Variants in SEC22C observed in about 807,000 individuals in gnomAD.
The protein encoded by SEC22C is vesicle-trafficking protein SEC22c.
Under a neutral mutation model 34.7 loss-of-function variants are expected in SEC22C, and 29 were observed. That is an observed-to-expected ratio of 0.84 (90% CI 0.62 to 1.14). SEC22C has a LOEUF of 1.14. Among genes scored for constraint, SEC22C ranks in the 50% most tolerant of loss-of-function variants. SEC22C has a pLI of 0.00. For missense variants in SEC22C, 337 were observed against 369.0 expected, an observed-to-expected ratio of 0.91 and a Z score of 0.71; for synonymous variants, 117 against 132.8, an observed-to-expected ratio of 0.88 and a Z score of 0.82.
rs182345386 is a variant in SEC22C, at chr3:42,561,770, A to G, written c.347-474T>C. Among the ~76,000 whole-genome samples the G allele has an allele frequency of 5.5e-4, 84 of 152,368 alleles. 1 individual carries two copies. Among genetic ancestry groups the G allele is most frequent in the Non-Finnish European group, 9.4e-4 (64 of 68,036 alleles). Reference sequence around the variant, plus strand: ...AAACACAAAGGCCAAATGATTGCTAATATGAACACTGTCTGATCAATCACT... The same window carrying G: ...AAACACAAAGGCCAAATGATTGCTAGTATGAACACTGTCTGATCAATCACT... On this transcript the variant is annotated intron_variant, in intron 3 of 6. Coordinates refer to ENST00000264454, the MANE Select transcript of SEC22C (RefSeq NM_032970.4).
intron 1 of SEC22C, among the ~76,000 whole-genome samples, chr3:42,599,132 A>AT (rs1705154085): frequency 1.3e-5 from 2 of 150,322 alleles, no homozygotes; most frequent in South Asian, 2.1e-4. Context: ...CGCCCGGCTA[A>AT]TTTTTTGTAT....
At chr3:42,600,405 C>G (rs1705249877) in intron 1 of SEC22C, 1 of 152,228 alleles carries the variant, frequency 6.6e-6, no homozygotes, top group Non-Finnish European at 1.5e-5. Context: ...GCGCTCACAG[C>G]CACACCTGAC....
At chr3:42,555,228 T>A (rs942572415) in intron 6 of SEC22C, among the ~76,000 whole-genome samples, 1 of 151,608 alleles carries the variant, frequency 6.6e-6, no homozygotes, top group African/African-American at 2.4e-5. Flanking sequence ...GCACCTACAG[T>A]CCCAGCTACT....
chr3:42,573,369 A>G (rs2125718032), intron 1 of SEC22C: 1 of 152,306 alleles, frequency 6.6e-6, no homozygotes, highest in African/African-American at 2.4e-5. Context: ...TATTAAAAAT[A>G]CAAAAATTAG....
intron 4 of SEC22C, among the ~76,000 whole-genome samples, chr3:42,558,678 G>A (rs188398375): frequency 7.9e-4 from 120 of 151,966 alleles, no homozygotes; most frequent in African/African-American, 2.7e-3. Flanking sequence ...TGTAGTCCCC[G>A]CTACTCAGGA....
At chr3:42,581,005 A>C (rs1218997389) in intron 1 of SEC22C, among the ~76,000 whole-genome samples, 2 of 152,278 alleles carry the variant, frequency 1.3e-5, no homozygotes, top group Non-Finnish European at 2.9e-5. Flanking sequence ...CACTGACTCC[A>C]AGATGGCTTC....
chr3:42,565,786 A>C (rs939091797), intron 2 of SEC22C: 3 of 432,672 alleles, frequency 6.9e-6, no homozygotes, highest in Non-Finnish European at 1.4e-5. Context: ...CTGTGAGAGA[A>C]CGAATTCTGT....
At chr3:42,567,931 G>T (rs569800753) in intron 2 of SEC22C, among the ~76,000 whole-genome samples, 2 of 152,150 alleles carry the variant, frequency 1.3e-5, no homozygotes, top group East Asian at 3.9e-4. Flanking sequence ...AATTAGCCGG[G>T]CGTGGTGGTA....
rs1704397739 is a variant in SEC22C at position 42,581,934 on chromosome 3, C to T, written c.-116G>A. 1.3e-5 allele frequency: 2 copies of T among 152,374 alleles called. No homozygotes were observed. 9.4% of individuals were successfully genotyped at this position (152,374 alleles called of 1,614,324 possible). Reference sequence around the variant, plus strand: ...CTTAGCCGACCGGGAGGGCTCGGCCCAGGTCACCGGCAGCCCAGGCGCAGG... The same window carrying T: ...CTTAGCCGACCGGGAGGGCTCGGCCTAGGTCACCGGCAGCCCAGGCGCAGG... On this transcript the variant is annotated 5_prime_UTR_variant, in exon 1 of 7. Coordinates refer to ENST00000264454, the MANE Select transcript of SEC22C (RefSeq NM_032970.4).
At chr3:42,581,381 A>C (rs545962891) in intron 1 of SEC22C, 87 of 152,366 alleles carry the variant, frequency 5.7e-4, no homozygotes, top group African/African-American at 2.0e-3. Flanking sequence ...ATGAACACAA[A>C]ACCTGTAATG....
intron 4 of SEC22C, 92 bp from the exon 5 acceptor site, chr3:42,557,788 A>G: frequency 1.6e-6 from 1 of 632,488 alleles, no homozygotes; most frequent in Non-Finnish European, 2.9e-6. Flanking sequence ...TACACTAATG[A>G]TAGGTTCACT....
chr3:42,599,126 C>T (rs1705153743), intron 1 of SEC22C, among the ~76,000 whole-genome samples: 1 of 151,410 alleles, frequency 6.6e-6, no homozygotes, highest in South Asian at 2.1e-4. Flanking sequence ...CCACCACGCC[C>T]GGCTAATTTT....
chr3:42,561,827 A>G (rs1484621510), intron 3 of SEC22C, among the ~76,000 whole-genome samples: 1 of 152,224 alleles, frequency 6.6e-6, no homozygotes, highest in East Asian at 1.9e-4. Context: ...GTGATTGACT[A>G]AAAAGGCAAT....
At position 42,594,641 on chromosome 3, in the gene SEC22C, G is replaced by C. The variant is rs913589861; in HGVS notation, c.-28+6319C>G. 6 of 683,146 alleles carry C rather than the reference G, an allele frequency of 8.8e-6. No individual in the cohort carries two copies. In the East Asian group the frequency reaches 1.3e-4, roughly 15 times the overall value. 42.3% of individuals were successfully genotyped at this position (683,146 alleles called of 1,614,324 possible). ...TTAAAACATGAATGAAACCTCTGTG[G>C]CTCTTTCGAAACGTGAAAATGTGAA... On this transcript the variant is annotated intron_variant, in intron 1 of 6. Transcript: ENST00000417572.
chr3:42,589,561 G>C (rs1047331040), intron 1 of SEC22C, among the ~76,000 whole-genome samples: 2 of 152,170 alleles, frequency 1.3e-5, no homozygotes, highest in African/African-American at 4.8e-5. Context: ...AGCAGAGGGC[G>C]GATAAGCATT....
At chr3:42,572,318 C>T (rs1703692477) in intron 1 of SEC22C, among the ~76,000 whole-genome samples, 1 of 152,006 alleles carries the variant, frequency 6.6e-6, no homozygotes, top group African/African-American at 2.4e-5. Flanking sequence ...TAAAAAACTG[C>T]TCTACTCCAG....
At chr3:42,563,131 A>C (rs1361558433) in intron 3 of SEC22C, among the ~76,000 whole-genome samples, 1 of 152,208 alleles carries the variant, frequency 6.6e-6, no homozygotes, top group Non-Finnish European at 1.5e-5. Flanking sequence ...TCACAACTCA[A>C]CTCTGCTGTC....
intron 1 of SEC22C, among the ~76,000 whole-genome samples, chr3:42,569,519 T>A (rs1451223745): frequency 6.6e-6 from 1 of 152,160 alleles, no homozygotes; most frequent in Non-Finnish European, 1.5e-5. Flanking sequence ...CCCATGGAGA[T>A]AGGCACTAAG....
intron 2 of SEC22C, among the ~76,000 whole-genome samples, chr3:42,565,069 G>C (rs1298567080): frequency 3.9e-5 from 6 of 152,052 alleles, no homozygotes; most frequent in Non-Finnish European, 8.8e-5. Flanking sequence ...CAAGGGTCTT[G>C]TTCTGACACT....
Sources: gnomAD v4.1 joint callset for allele counts (sites outside exome capture counted in the v4.1 genomes callset) on GRCh38, gnomAD v4.1.1 for gene constraint, MANE v1.5 for transcripts, NCBI Gene and HGNC (gene_info 2026-07-23, HGNC 2026-07-21) for gene names.